IKZF1: variants seen among roughly 807,000 people sequenced by gnomAD.
IKZF1 encodes the protein IKAROS family zinc finger 1.
Under a neutral mutation model 51.7 loss-of-function variants are expected in IKZF1, and 10 were observed. The observed-to-expected ratio is 0.19, with a 90% CI of 0.12 to 0.33. The LOEUF (loss-of-function observed/expected upper bound fraction) is 0.33. Among genes scored for constraint, IKZF1 ranks in the 10% least tolerant of loss-of-function variants. The probability of loss-of-function intolerance (pLI) is 1.00; values close to 1 mark genes in which losing one functional copy is unlikely to be tolerated. For missense variants in IKZF1, 484 were observed against 707.5 expected (o/e 0.68, Z 3.58); for synonymous variants, 280 against 282.3 (o/e 0.99, Z 0.08).
chr7:50,323,786 T>C (rs1794079412), intron 2 of IKZF1, among the ~76,000 whole-genome samples: 1 of 152,272 alleles, frequency 6.6e-6, no homozygotes, highest in African/African-American at 2.4e-5. Context: ...TATGTTTCTA[T>C]GTGCATATAG....
At chr7:50,372,506 C>T (rs924834294) in intron 3 of IKZF1, among the ~76,000 whole-genome samples, 7 of 152,240 alleles carry the variant, frequency 4.6e-5, no homozygotes, top group African/African-American at 7.2e-5. Flanking sequence ...CCATTTAAAA[C>T]GTTTTGAGCA....
intron 2 of IKZF1, among the ~76,000 whole-genome samples, chr7:50,321,552 C>G (rs921727326): frequency 1.3e-5 from 2 of 152,316 alleles, no homozygotes; most frequent in East Asian, 3.9e-4. Context: ...CTCTTCTTTT[C>G]CTTGTCGCTT....
chr7:50,375,130 A>G (rs1809843072), intron 3 of IKZF1, among the ~76,000 whole-genome samples: 2 of 152,198 alleles, frequency 1.3e-5, no homozygotes. Context: ...ATCAAAAATT[A>G]TGTGGTCTAG....
intron 3 of IKZF1, among the ~76,000 whole-genome samples, chr7:50,374,639 A>T (rs748215154): frequency 6.6e-6 from 1 of 152,212 alleles, no homozygotes; most frequent in Non-Finnish European, 1.5e-5. Context: ...CTGTACTGGG[A>T]TCACTGGGGG....
intron 4 of IKZF1, among the ~76,000 whole-genome samples, chr7:50,382,203 A>G (rs1812031397): frequency 6.6e-6 from 1 of 152,252 alleles, no homozygotes. Flanking sequence ...AAATGCCACA[A>G]CACGCAAAAT....
intron 1 of IKZF1, among the ~76,000 whole-genome samples, chr7:50,309,741 G>A (rs1427691717): frequency 6.6e-6 from 1 of 152,138 alleles, no homozygotes; most frequent in Non-Finnish European, 1.5e-5. Context: ...AATTTTTGTT[G>A]TTATACCAGA....
chr7:50,343,544 T>A (rs771867783), intron 3 of IKZF1, among the ~76,000 whole-genome samples: 8 of 152,198 alleles, frequency 5.3e-5, no homozygotes, highest in Non-Finnish European at 1.2e-4. Context: ...ATTAAATGAA[T>A]TAGGGATTTC....
At chr7:50,363,042 T>C (rs1805712332) in intron 3 of IKZF1, among the ~76,000 whole-genome samples, 1 of 152,200 alleles carries the variant, frequency 6.6e-6, no homozygotes, top group East Asian at 1.9e-4. Context: ...AATTTGGCCA[T>C]GAGAGGCAAG....
At chr7:50,339,576 C>G (rs1045568863) in intron 3 of IKZF1, among the ~76,000 whole-genome samples, 2 of 151,778 alleles carry the variant, frequency 1.3e-5, no homozygotes, top group Non-Finnish European at 2.9e-5. Context: ...TGGTGAAACC[C>G]CATCTCTACT....
In IKZF1 at chr7:50,402,776, G is replaced by A. The variant is rs1818363327; in HGVS notation, c.*2149G>A. 1 of 230,336 alleles carries A rather than the reference G, an allele frequency of 4.3e-6. No individual in the cohort carries two copies. The highest frequency in any genetic ancestry group is 2.2e-5 in the African/African-American group (1 of 45,172). 14.3% of individuals were successfully genotyped at this position (230,336 alleles called of 1,614,324 possible). On this transcript the variant is annotated 3_prime_UTR_variant, in exon 8 of 8. Transcript: ENST00000331340. ...GTCATGGATTTCTCTGCTCACAGAA[G>A]GGTGTGGCATTTGGAAACGGGAATA...
intron 3 of IKZF1, among the ~76,000 whole-genome samples, chr7:50,353,744 A>G (rs1802492376): frequency 1.3e-5 from 2 of 152,236 alleles, no homozygotes; most frequent in African/African-American, 4.8e-5. Flanking sequence ...TAGATGTACT[A>G]GTCACAAACA....
chr7:50,380,547 A>G (rs1811562458), intron 4 of IKZF1, among the ~76,000 whole-genome samples: 5 of 152,140 alleles, frequency 3.3e-5, no homozygotes, highest in Admixed American at 2.0e-4. Context: ...TCACTAATTT[A>G]GGGTCATACC....
intron 3 of IKZF1, among the ~76,000 whole-genome samples, chr7:50,331,189 C>T (rs928819677): frequency 4.6e-5 from 7 of 151,998 alleles, no homozygotes; most frequent in South Asian, 4.1e-4. Context: ...ATGAAGCTAT[C>T]GTAGCTTCAC....
chr7:50,362,485 T>G (rs1361331251), intron 3 of IKZF1, among the ~76,000 whole-genome samples: 1 of 152,184 alleles, frequency 6.6e-6, no homozygotes, highest in East Asian at 1.9e-4. Flanking sequence ...ACATGGTGAA[T>G]GTTGGTTGGT....
chr7:50,382,386 G>C (rs1299766804), intron 4 of IKZF1, among the ~76,000 whole-genome samples, 154 bp from the exon 5 acceptor site: 2 of 152,144 alleles, frequency 1.3e-5, no homozygotes. Context: ...AAGCGTTAAG[G>C]AGCTGGCAGG....
At chr7:50,386,247 A>G (rs1390183635) in intron 5 of IKZF1, among the ~76,000 whole-genome samples, 3 of 152,252 alleles carry the variant, frequency 2.0e-5, no homozygotes, top group Non-Finnish European at 2.9e-5. Flanking sequence ...ATATCACTCA[A>G]TAAAATCCAA....
chr7:50,349,641 A>C (rs1801316498), intron 3 of IKZF1, among the ~76,000 whole-genome samples: 1 of 152,140 alleles, frequency 6.6e-6, no homozygotes, highest in Non-Finnish European at 1.5e-5. Flanking sequence ...TCCTGCAGGC[A>C]GTAACAGCCA....
chr7:50,405,009 G>A lies in IKZF1; in HGVS notation c.*4382G>A, dbSNP rs1417072199. On this transcript the variant is annotated 3_prime_UTR_variant, in exon 8 of 8. Coordinates refer to ENST00000331340, the MANE Select transcript of IKZF1 (RefSeq NM_006060.6). ...ATTAAAAATCAGGACTGGGGACTGG[G>A]AGACCAAAAATTTCTGATCCCATTT... 1 of 201,762 alleles carries A rather than the reference G, an allele frequency of 5.0e-6. No individual in the cohort carries two copies. Among genetic ancestry groups the A allele is most frequent in the African/African-American group, 2.3e-5 (1 of 43,528 alleles). 12.5% of individuals were successfully genotyped at this position (201,762 alleles called of 1,614,324 possible).
chr7:50,383,611 T>C (rs952520941), intron 5 of IKZF1, among the ~76,000 whole-genome samples: 4 of 152,230 alleles, frequency 2.6e-5, no homozygotes, highest in African/African-American at 9.6e-5. Flanking sequence ...TGTAGCATAC[T>C]GCATGAGACT....
Sources: allele counts gnomAD v4.1 joint callset (sites outside exome capture counted in the v4.1 genomes callset), GRCh38; gene constraint gnomAD v4.1.1; transcripts MANE v1.5; gene names NCBI Gene and HGNC (gene_info 2026-07-23, HGNC 2026-07-21).